AKTIP: variants seen among roughly 807,000 people sequenced by gnomAD.
AKTIP encodes AKT interacting protein, also known as AKT-interacting protein.
AKTIP carries 16 observed loss-of-function variants against 39.1 expected under a neutral mutation model. The ratio of observed to expected loss-of-function variants is 0.41; its 90% CI spans 0.28 to 0.62. AKTIP has a LOEUF of 0.62. Among genes scored for constraint, AKTIP ranks in the 20% least tolerant of loss-of-function variants. The pLI is 0.32. For missense variants in AKTIP, 262 were observed against 356.6 expected (o/e 0.73, Z 2.14); for synonymous variants, 93 against 124.3 (o/e 0.75, Z 1.67).
At chr16:53,501,874 G>C (rs1237806348) in intron 1 of AKTIP, 4 of 152,222 alleles carry the variant, frequency 2.6e-5, no homozygotes, top group African/African-American at 9.6e-5. Flanking sequence ...GCCTTTAAAG[G>C]TGAGTATGAC....
chr16:53,495,751 CTGGA>C (rs1961794012), intron 3 of AKTIP, among the ~76,000 whole-genome samples: 1 of 152,312 alleles, frequency 6.6e-6, no homozygotes, highest in African/African-American at 2.4e-5. Flanking sequence ...GCTTTTGTGC[CTGGA>C]TGATCATTCA....
At chr16:53,503,252 C>G (rs1962296148), upstream of AKTIP, 1 of 34,998 alleles carries the variant, frequency 2.9e-5, no homozygotes, top group Non-Finnish European at 5.2e-5. Flanking sequence ...CCGCCCCGCC[C>G]CACCCCGCCC....
chr16:53,493,954 C>G (rs1961664026), intron 8 of AKTIP, 184 bp downstream of exon 8: 2 of 556,878 alleles, frequency 3.6e-6, no homozygotes, highest in Non-Finnish European at 3.2e-6. Context: ...AGATGTGAAG[C>G]TTTTTGTTTA....
At chr16:53,494,114 T>G in intron 8 of AKTIP, 24 bp downstream of exon 8, 5 of 1,547,358 alleles carry the variant, frequency 3.2e-6, no homozygotes, top group Non-Finnish European at 4.5e-6. Flanking sequence ...AGTGGACAGT[T>G]CACTTGGGGG....
chr16:53,494,696 A>G (rs985673281), intron 5 of AKTIP, 91 bp from the exon 6 acceptor site: 1 of 1,249,498 alleles, frequency 8.0e-7, no homozygotes, highest in Non-Finnish European at 1.1e-6. Flanking sequence ...GCTTCAGGAC[A>G]AGGCAGTCAC....
At chr16:53,500,643 GC>G (rs1326122851) in intron 1 of AKTIP, among the ~76,000 whole-genome samples, 1 of 152,182 alleles carries the variant, frequency 6.6e-6, no homozygotes, top group Non-Finnish European at 1.5e-5. Flanking sequence ...CTCCCAAAGT[GC>G]TGGGATTACG....
rs893456952 is a variant in AKTIP, at chr16:53,491,304, A to T, written c.*1108T>A. The T allele has an allele frequency of 5.3e-5, 8 of 152,200 alleles. No homozygotes were observed. Among genetic ancestry groups the T allele is most frequent in the African/African-American group, 1.9e-4 (8 of 41,456 alleles). The allele number at this position is 152,200 out of a possible 1,614,324, so 9.4% of individuals were successfully genotyped here. On this transcript the variant is annotated 3_prime_UTR_variant, in exon 10 of 10. Coordinates refer to ENST00000394657, the MANE Select transcript of AKTIP (RefSeq NM_022476.4). Reference sequence around the variant, plus strand: ...TTGGGTGTTCCTGGCAGTTTAAAAAAATTGGTTGGAGAATTTAGGTTTTTA... The same window carrying T: ...TTGGGTGTTCCTGGCAGTTTAAAAATATTGGTTGGAGAATTTAGGTTTTTA...
At chr16:53,500,907 A>G (rs1341557451) in intron 1 of AKTIP, among the ~76,000 whole-genome samples, 1 of 152,228 alleles carries the variant, frequency 6.6e-6, no homozygotes, top group Non-Finnish European at 1.5e-5. Flanking sequence ...TTACTCAGTG[A>G]CACAGATGAG....
In AKTIP at chr16:53,491,411, A is replaced by G. The variant is rs1347424601; in HGVS notation, c.*1001T>C. 6.6e-6 allele frequency: 1 copy of G among 152,344 alleles called. No homozygotes were observed. Among genetic ancestry groups the G allele is most frequent in the Non-Finnish European group, 1.5e-5 (1 of 68,026 alleles). 9.4% of individuals were successfully genotyped at this position (152,344 alleles called of 1,614,324 possible). On this transcript the variant is annotated 3_prime_UTR_variant, in exon 10 of 10. Coordinates refer to ENST00000394657, the MANE Select transcript of AKTIP (RefSeq NM_022476.4). ...TCTATACATATCTTTATTAATCACTATTGTTCCAGCAGTTTTCAAGTCAAA... is the reference window on the plus strand; with the variant it reads ...TCTATACATATCTTTATTAATCACTGTTGTTCCAGCAGTTTTCAAGTCAAA...
rs151134332 is a variant in AKTIP, at chr16:53,494,187, T to C, written c.661A>G (p.Thr221Ala). Residue 221 changes from threonine to alanine, a missense_variant, in exon 8 of 10, where the codon ACT (threonine) becomes GCT (alanine). By Grantham distance (58) the Thr-to-Ala change is moderately conservative (BLOSUM62 0). Around this residue, in one of 4 missense-constraint regions of AKTIP, gnomAD observed 145 missense variants for 159.3 expected, o/e 0.91. Transcript: ENST00000394657. Reference sequence around the variant, plus strand: ...TTAGGTTGGTCAAACAAACGAGCAGTGCACACCTTAACACTGTCAACAACT... The same window carrying C: ...TTAGGTTGGTCAAACAAACGAGCAGCGCACACCTTAACACTGTCAACAACT... ...SKVVDSVKVCTARLFDQPKIE... is the reference protein window; with the variant it reads ...SKVVDSVKVCAARLFDQPKIE... The C allele has an allele frequency of 1.2e-6, 2 of 1,614,210 alleles. No individual in the cohort carries two copies. Among genetic ancestry groups the C allele is most frequent in the African/African-American group, 1.3e-5 (1 of 75,070 alleles).
intron 2 of AKTIP, 90 bp downstream of exon 2, chr16:53,500,128 C>A (rs992138204): frequency 1.8e-5 from 17 of 966,498 alleles, no homozygotes; most frequent in Non-Finnish European, 3.2e-6. Flanking sequence ...TACAGGTGAC[C>A]GTGACAGATT....
intron 5 of AKTIP, 162 bp downstream of exon 5, chr16:53,494,911 G>A (rs751501422): frequency 3.9e-6 from 3 of 771,884 alleles, no homozygotes; most frequent in African/African-American, 1.7e-5. Flanking sequence ...AAGCTCTGAT[G>A]GCATGCCGGA....
At chr16:53,503,263 T>TACCCC (rs1962300022), upstream of AKTIP, 1 of 24,986 alleles carries the variant, frequency 4.0e-5, no homozygotes, top group Non-Finnish European at 8.6e-5. Flanking sequence ...CACCCCGCCC[T>TACCCC]GCCCTGCCCT....
At chr16:53,502,929 C>G (rs1962263618) in intron 1 of AKTIP, 1 of 152,434 alleles carries the variant, frequency 6.6e-6, no homozygotes, top group Admixed American at 6.5e-5. Context: ...GCCGCAGTCC[C>G]CAGCAGCAGT....
chr16:53,494,506 T>C lies in AKTIP; in HGVS notation c.503+11A>G, dbSNP rs764710208. On this transcript the variant is annotated intron_variant, in intron 6 of 9. Coordinates refer to ENST00000394657, the MANE Select transcript of AKTIP (RefSeq NM_022476.4). Reference sequence around the variant, plus strand: ...TATTATGTCACTAAAAGAAACACTTTATTTACTTACCTCCATTTTGCAAAT... The same window carrying C: ...TATTATGTCACTAAAAGAAACACTTCATTTACTTACCTCCATTTTGCAAAT... 1 of 1,614,098 alleles carries C rather than the reference T, an allele frequency of 6.2e-7. No homozygotes were observed. Among genetic ancestry groups the C allele is most frequent in the South Asian group, 1.1e-5 (1 of 91,084 alleles).
rs1159629440 is a variant in AKTIP at position 53,498,408 on chromosome 16, G to A, written c.231C>T (p.Tyr77=). ...GGACTTACAATTCTGCAAGAAGAGA[G>A]TATTCCAGGTAGAAGGGTCCATAGG... The part of the protein sequence containing the change: ...HASYGPFYLE[Y]SLLAEFTLVV... The change falls in exon 3 of 10, where the codon TAC becomes TAT. Residue 77 remains tyrosine (Y), a synonymous_variant. Coordinates refer to ENST00000394657, the MANE Select transcript of AKTIP (RefSeq NM_022476.4). 6.2e-7 allele frequency: 1 copy of A among 1,613,900 alleles called. No individual in the cohort carries two copies. The highest frequency in any genetic ancestry group is 2.2e-5 in the East Asian group (1 of 44,876).
rs912822489 is a variant in AKTIP, at chr16:53,494,828, C to T, written c.415-223G>A. 26 of 708,372 alleles carry T rather than the reference C, an allele frequency of 3.7e-5. No homozygotes were observed. The Admixed American group carries it at 5.5e-4, about 15-fold the overall frequency. The allele number at this position is 708,372 out of a possible 1,614,324, so 43.9% of individuals were successfully genotyped here. A position where few individuals can be genotyped will look rare whatever the true frequency, so the allele number is the denominator to read the frequency against. Reference sequence around the variant, plus strand: ...CCTCTCCTCCACTAGAGCCTGAGGGCCACCATTCACCTGGTGAGTGCTGCA... The same window carrying T: ...CCTCTCCTCCACTAGAGCCTGAGGGTCACCATTCACCTGGTGAGTGCTGCA... On this transcript the variant is annotated intron_variant, in intron 5 of 9. Transcript: ENST00000394657.
chr16:53,492,691 ACTTT>A lies in AKTIP; in HGVS notation c.769_771+1del. 6.2e-7 allele frequency: 1 copy of A among 1,613,962 alleles called. No homozygotes were observed. The highest frequency in any genetic ancestry group is 8.5e-7 in the Non-Finnish European group (1 of 1,179,812). On this transcript the variant is annotated splice_donor_variant and coding_sequence_variant, in exon 9 of 10. Transcript: ENST00000394657. LOFTEE classifies it high-confidence loss of function. ...CCATTTCATAAGTTGTTATCCACTT[ACTTT>A]CTGAGTCAGCATCTTTTCTCTGGCT...
At chr16:53,494,962 G>T in intron 5 of AKTIP, 111 bp downstream of exon 5, 2 of 983,132 alleles carry the variant, frequency 2.0e-6, no homozygotes, top group Non-Finnish European at 3.2e-6. Flanking sequence ...ACAACTACTG[G>T]GTAGATAAAT....
Sources: gnomAD v4.1 joint callset for allele counts (sites outside exome capture counted in the v4.1 genomes callset) on GRCh38, gnomAD v4.1.1 for gene constraint, gnomAD v4.1.1 regional missense constraint, MANE v1.5 for transcripts, NCBI Gene and HGNC (gene_info 2026-07-23, HGNC 2026-07-21) for gene names.